Variants in SND1 observed in about 807,000 individuals in gnomAD.
SND1 encodes the protein staphylococcal nuclease domain-containing protein 1.
In SND1, 38 loss-of-function variants were observed where a neutral mutation model predicts 121.7. That is an observed-to-expected ratio of 0.31 (90% CI 0.24 to 0.41). The LOEUF is 0.41. Among genes scored for constraint, SND1 ranks in the 10% least tolerant of loss-of-function variants. The pLI is 1.00. For synonymous variants in SND1, 401 were observed against 447.4 expected (o/e 0.90, Z 1.31); for missense variants, 868 against 1,184.6 (o/e 0.73, Z 3.92).
At chr7:127,925,914 CT>C (rs945882709) in intron 14 of SND1, among the ~76,000 whole-genome samples, 90 of 144,920 alleles carry the variant, frequency 6.2e-4, no homozygotes, top group Admixed American at 5.5e-4. Flanking sequence ...TTTCTTTTTT[CT>C]TTTTTTTTTT....
chr7:127,841,366 C>T (rs1287925300), intron 11 of SND1, among the ~76,000 whole-genome samples: 1 of 152,084 alleles, frequency 6.6e-6, no homozygotes, highest in African/African-American at 2.4e-5. Flanking sequence ...GATACATGGA[C>T]CTCGTTCCTC....
chr7:127,699,024 C>A (rs955610319), intron 4 of SND1, 71 bp downstream of exon 4: 1 of 1,257,034 alleles, frequency 8.0e-7, no homozygotes, highest in Non-Finnish European at 1.2e-6. Context: ...CATTCTTGCC[C>A]CCAGACATGG....
chr7:127,727,721 T>A (rs1796606404), intron 10 of SND1, among the ~76,000 whole-genome samples: 1 of 152,198 alleles, frequency 6.6e-6, no homozygotes, highest in Non-Finnish European at 1.5e-5. Flanking sequence ...AGCAATGTGA[T>A]CAAAAGATGT....
chr7:127,742,286 T>C (rs1796895138), intron 10 of SND1, among the ~76,000 whole-genome samples: 1 of 152,116 alleles, frequency 6.6e-6, no homozygotes, highest in Non-Finnish European at 1.5e-5. Flanking sequence ...AAAGGGTATT[T>C]CTCATTTTCC....
At chr7:127,834,981 C>T (rs537550731) in intron 11 of SND1, among the ~76,000 whole-genome samples, 4 of 152,258 alleles carry the variant, frequency 2.6e-5, no homozygotes, top group Non-Finnish European at 4.4e-5. Context: ...CCAAGCAATA[C>T]CTACTCCCCA....
chr7:127,990,570 G>C (rs1802498171), intron 15 of SND1, among the ~76,000 whole-genome samples: 1 of 152,214 alleles, frequency 6.6e-6, no homozygotes, highest in Non-Finnish European at 1.5e-5. Context: ...GATATCAGTA[G>C]GTGAGGGAGC....
At chr7:127,669,933 T>TA (rs1795485202) in intron 1 of SND1, among the ~76,000 whole-genome samples, 2 of 152,096 alleles carry the variant, frequency 1.3e-5, no homozygotes, top group Admixed American at 6.6e-5. Flanking sequence ...CATCTTTTCT[T>TA]TTTTTTTCTA....
intron 11 of SND1, among the ~76,000 whole-genome samples, chr7:127,813,979 C>A (rs1274613886): frequency 6.6e-6 from 1 of 152,200 alleles, no homozygotes; most frequent in Non-Finnish European, 1.5e-5. Flanking sequence ...TCCGTATGCT[C>A]ACCTGAGGGA....
intron 15 of SND1, among the ~76,000 whole-genome samples, chr7:127,932,604 A>G (rs1442392528): frequency 6.6e-6 from 1 of 152,234 alleles, no homozygotes; most frequent in African/African-American, 2.4e-5. Context: ...GCTATCCCAC[A>G]GCATTCCATG....
chr7:127,736,158 T>C lies in SND1; in HGVS notation c.1152+14758T>C, dbSNP rs376922221. ...CATTATTTTCACACATTAACCCCAATAGATAGATGGCTTGCGTTTCTGCTT... is the reference window on the plus strand; with the variant it reads ...CATTATTTTCACACATTAACCCCAACAGATAGATGGCTTGCGTTTCTGCTT... On this transcript the variant is annotated intron_variant, in intron 10 of 23. Transcript: ENST00000354725. Among the ~76,000 whole-genome samples, 4 of 152,342 alleles carry C rather than the reference T, an allele frequency of 2.6e-5. No homozygotes were observed. In the South Asian group the frequency reaches 8.3e-4, roughly 32 times the overall value.
At chr7:127,692,147 G>A (rs1248363284) in intron 2 of SND1, among the ~76,000 whole-genome samples, 1 of 152,096 alleles carries the variant, frequency 6.6e-6, no homozygotes, top group Non-Finnish European at 1.5e-5. Flanking sequence ...AACTAGTTAA[G>A]GTTTTACATT....
chr7:128,040,315 C>A (rs1485688798), intron 16 of SND1, among the ~76,000 whole-genome samples: 2 of 151,600 alleles, frequency 1.3e-5, no homozygotes, highest in African/African-American at 4.8e-5. Flanking sequence ...TGCTTGTAAT[C>A]CCAGCATTTT....
intron 15 of SND1, among the ~76,000 whole-genome samples, chr7:127,944,678 A>G (rs2116844648): frequency 6.6e-6 from 1 of 152,328 alleles, no homozygotes; most frequent in Non-Finnish European, 1.5e-5. Context: ...ACTTCACCTG[A>G]GAGTGAATTG....
chr7:127,751,849 A>G (rs1797102751), intron 10 of SND1, among the ~76,000 whole-genome samples: 1 of 152,200 alleles, frequency 6.6e-6, no homozygotes. Flanking sequence ...TCCAAATAGC[A>G]TGGACTGGTC....
rs1250686287 is a variant in SND1 at position 127,762,731 on chromosome 7, G to A, written c.1152+41331G>A. ...TTGATATGTGATGCTGACTGTTATG[G>A]GTCTCAGAGTGTCTGAAGCAAGCTT... On this transcript the variant is annotated intron_variant, in intron 10 of 23. Transcript: ENST00000354725. Among the ~76,000 whole-genome samples the A allele has an allele frequency of 3.3e-5, 5 of 152,112 alleles. No homozygotes were observed. In the East Asian group the frequency reaches 9.6e-4, roughly 29 times the overall value.
chr7:127,857,866 T>A, intron 12 of SND1: 1 of 1,289,614 alleles, frequency 7.8e-7, no homozygotes, highest in Non-Finnish European at 1.1e-6. Context: ...GAGGTCAAAG[T>A]CAATGCGTTT....
intron 13 of SND1, among the ~76,000 whole-genome samples, chr7:127,901,387 C>G (rs943891743): frequency 7.9e-5 from 12 of 152,316 alleles, no homozygotes; most frequent in African/African-American, 2.9e-4. Context: ...CCCCCAGATA[C>G]TCTTTCGTGG....
intron 11 of SND1, among the ~76,000 whole-genome samples, chr7:127,832,243 T>C (rs1798754243): frequency 6.6e-6 from 1 of 152,234 alleles, no homozygotes; most frequent in Admixed American, 6.5e-5. Context: ...CATTTGTACA[T>C]ACATCTTTGT....
intron 11 of SND1, among the ~76,000 whole-genome samples, chr7:127,836,216 A>G (rs1584607933): frequency 6.6e-6 from 1 of 152,302 alleles, no homozygotes; most frequent in Admixed American, 6.5e-5. Flanking sequence ...TAGGAGACTC[A>G]TTTTGTCAAA....
Sources: gnomAD v4.1 joint callset for allele counts (sites outside exome capture counted in the v4.1 genomes callset) on GRCh38, gnomAD v4.1.1 for gene constraint, MANE v1.5 for transcripts, NCBI Gene and HGNC (gene_info 2026-07-23, HGNC 2026-07-21) for gene names.